Variants in NCOR1 observed in about 807,000 individuals in gnomAD.
NCOR1 encodes protein phosphatase 1, regulatory subunit 109.
NCOR1 carries 63 observed loss-of-function variants against 288.1 expected under a neutral mutation model. The ratio of observed to expected loss-of-function variants is 0.22; its 90% CI spans 0.18 to 0.27. NCOR1 has a LOEUF of 0.27. Ranked by LOEUF, NCOR1 falls within the 10% of genes least tolerant of loss-of-function variation. The pLI is 1.00. For synonymous variants in NCOR1, 1,007 were observed against 1,065.9 expected, an observed-to-expected ratio of 0.94 and a Z score of 1.08; for missense variants, 2,397 against 3,019.2, an observed-to-expected ratio of 0.79 and a Z score of 4.83.
chr17:16,065,762 G>A (rs149360424), intron 32 of NCOR1, 68 bp from the exon 33 acceptor site: 8 of 1,361,796 alleles, frequency 5.9e-6, no homozygotes, highest in African/African-American at 2.9e-5. Flanking sequence ...TAAACACCAC[G>A]TACAAAAGAG....
Position 16,061,352 on chromosome 17 carries a change from A to G in NCOR1, c.5881+49T>C, listed in dbSNP as rs758138531. 7 of 1,568,580 alleles carry G rather than the reference A, an allele frequency of 4.5e-6. No homozygotes were observed. In the East Asian group the frequency reaches 6.7e-5, roughly 15 times the overall value. On this transcript the variant is annotated intron_variant, in intron 37 of 45. Transcript: ENST00000268712. ...TTCTACTTGACCTAAAGAATAAAGTAATTCTTTACTCAGACATCACATTGT... is the reference window on the plus strand; with the variant it reads ...TTCTACTTGACCTAAAGAATAAAGTGATTCTTTACTCAGACATCACATTGT...
chr17:16,114,168 A>AAC (rs1440710267), intron 18 of NCOR1, among the ~76,000 whole-genome samples: 1 of 149,410 alleles, frequency 6.7e-6, no homozygotes, highest in East Asian at 2.0e-4. Flanking sequence ...AAAAAAAAAA[A>AAC]ACTTGTGCAG....
intron 6 of NCOR1, among the ~76,000 whole-genome samples, chr17:16,154,522 G>C (rs541432299): frequency 2.6e-5 from 4 of 152,270 alleles, no homozygotes; most frequent in Non-Finnish European, 4.4e-5. Context: ...GTGCTTGGCA[G>C]AAAAGACAAA....
At chr17:16,032,679 G>A (rs558642159) in intron 45 of NCOR1, among the ~76,000 whole-genome samples, 196 bp from the exon 46 acceptor site, 38 of 152,264 alleles carry the variant, frequency 2.5e-4, no homozygotes, top group African/African-American at 7.2e-4. Flanking sequence ...CAGTCAGTGC[G>A]GGTCCAAAAA....
At chr17:16,117,308 T>C (rs2071834734) in intron 18 of NCOR1, among the ~76,000 whole-genome samples, 1 of 152,050 alleles carries the variant, frequency 6.6e-6, no homozygotes, top group African/African-American at 2.4e-5. Flanking sequence ...AATAGAAACT[T>C]CGGAGGAGGA....
Position 16,058,055 on chromosome 17 carries a change from G to A in NCOR1, c.6020C>T (p.Thr2007Ile), listed in dbSNP as rs2060127926. ...ATGTAATGGTCCTTCATATTGTCTG[G>A]TAGGATCATCTAGGAGAGAACACAT... ...VKANQAENDP[T>I]RQYEGPLHHY... Residue 2007 changes from threonine (T) to isoleucine (I), a missense_variant, in exon 39 of 46, where the codon ACC (threonine) becomes ATC (isoleucine). Physicochemically the swap from Thr to Ile is moderately conservative, Grantham distance 89. Around this residue, in one of 11 missense-constraint regions of NCOR1, gnomAD observed 1,872 missense variants for 2,187.8 expected, o/e 0.86. Coordinates refer to ENST00000268712, the MANE Select transcript of NCOR1 (RefSeq NM_006311.4). The A allele has an allele frequency of 1.2e-6, 2 of 1,613,916 alleles. No homozygotes were observed. Among genetic ancestry groups the A allele is most frequent in the Admixed American group, 1.7e-5 (1 of 59,994 alleles).
intron 26 of NCOR1, among the ~76,000 whole-genome samples, 163 bp from the exon 27 acceptor site, chr17:16,075,865 A>G (rs935271451): frequency 4.6e-5 from 7 of 152,246 alleles, no homozygotes; most frequent in African/African-American, 1.7e-4. Context: ...TTTTATCAAC[A>G]TGAAGACATC....
intron 23 of NCOR1, among the ~76,000 whole-genome samples, chr17:16,081,824 G>C (rs1598337927): frequency 1.3e-5 from 2 of 152,128 alleles, no homozygotes; most frequent in Admixed American, 1.3e-4. Flanking sequence ...GATGTTCATG[G>C]GGTCTGAAAA....
intron 14 of NCOR1, among the ~76,000 whole-genome samples, chr17:16,135,144 GC>G (rs1279820871): frequency 7.5e-6 from 1 of 133,858 alleles, no homozygotes; most frequent in African/African-American, 3.0e-5. Context: ...GGGCGACAGA[GC>G]GAGACTCCAT....
chr17:16,191,903 A>C (rs2088435816), intron 2 of NCOR1: 1 of 151,024 alleles, frequency 6.6e-6, no homozygotes, highest in Non-Finnish European at 1.5e-5. Flanking sequence ...CCTTGAGCCC[A>C]ATAGTTCTAG....
intron 14 of NCOR1, among the ~76,000 whole-genome samples, chr17:16,133,000 G>C (rs1197595478): frequency 2.0e-5 from 3 of 148,562 alleles, no homozygotes; most frequent in South Asian, 4.2e-4. Flanking sequence ...ACGGGGTCTT[G>C]CTCTGTCACC....
intron 2 of NCOR1, among the ~76,000 whole-genome samples, chr17:16,191,310 G>A (rs1211807765): frequency 1.3e-5 from 2 of 152,128 alleles, no homozygotes; most frequent in Non-Finnish European, 2.9e-5. Flanking sequence ...AGAAGTGGGG[G>A]ATAAATTAGA....
intron 15 of NCOR1, among the ~76,000 whole-genome samples, chr17:16,123,548 C>A (rs186341116): frequency 1.3e-5 from 2 of 152,306 alleles, no homozygotes; most frequent in East Asian, 3.9e-4. Flanking sequence ...CACAGCACAG[C>A]CTCCTGAATG....
chr17:16,064,806 G>T, intron 34 of NCOR1, 64 bp downstream of exon 34: 1 of 1,433,952 alleles, frequency 7.0e-7, no homozygotes, highest in Non-Finnish European at 9.3e-7. Flanking sequence ...ACCTTAAAAG[G>T]CTATGTTGTA....
At chr17:16,141,659 C>T (rs578061960) in intron 11 of NCOR1, among the ~76,000 whole-genome samples, 1 of 152,188 alleles carries the variant, frequency 6.6e-6, no homozygotes, top group South Asian at 2.1e-4. Flanking sequence ...ATTTTTTCAT[C>T]CTGGAGAAAA....
chr17:16,115,563 G>A (rs1453220283), intron 18 of NCOR1, among the ~76,000 whole-genome samples: 4 of 152,294 alleles, frequency 2.6e-5, no homozygotes, highest in East Asian at 1.9e-4. Flanking sequence ...TCTTCCGCCA[G>A]ATAACCTAAA....
intron 3 of NCOR1, among the ~76,000 whole-genome samples, chr17:16,180,629 T>C (rs1600074010): frequency 1.3e-5 from 2 of 151,958 alleles, no homozygotes; most frequent in African/African-American, 2.4e-5. Flanking sequence ...GCACCTGTGG[T>C]GCCAGCTACC....
chr17:16,178,525 T>C (rs79672548), intron 3 of NCOR1, among the ~76,000 whole-genome samples: 25 of 124,576 alleles, frequency 2.0e-4, no homozygotes, highest in African/African-American at 7.2e-4. Context: ...AAAAAAAGAA[T>C]AGAATAAAAT....
chr17:16,189,133 C>T (rs748017847), intron 2 of NCOR1, among the ~76,000 whole-genome samples: 1 of 149,146 alleles, frequency 6.7e-6, no homozygotes, highest in Non-Finnish European at 1.5e-5. Context: ...GTAGCTCACA[C>T]CTGTAATCTT....
Sources: allele counts gnomAD v4.1 joint callset (sites outside exome capture counted in the v4.1 genomes callset), GRCh38; gene constraint gnomAD v4.1.1; regional missense constraint gnomAD v4.1.1; transcripts MANE v1.5; gene names NCBI Gene and HGNC (gene_info 2026-07-23, HGNC 2026-07-21).